DSCAML1: variants seen among roughly 807,000 people sequenced by gnomAD.
The protein encoded by DSCAML1 is DS cell adhesion molecule like 1.
In DSCAML1, 38 loss-of-function variants were observed where a neutral mutation model predicts 200.5. That is an observed-to-expected ratio of 0.19 (90% CI 0.15 to 0.25). The LOEUF is 0.25. Ranked by LOEUF, DSCAML1 falls within the 10% of genes least tolerant of loss-of-function variation. The pLI is 1.00. For missense variants in DSCAML1, 2,223 were observed against 2,858.8 expected, an observed-to-expected ratio of 0.78 and a Z score of 5.07; for synonymous variants, 1,215 against 1,165.0, an observed-to-expected ratio of 1.04 and a Z score of -0.87.
chr11:117,756,540 T>A (rs1412602362), intron 3 of DSCAML1, among the ~76,000 whole-genome samples: 1 of 152,212 alleles, frequency 6.6e-6, no homozygotes, highest in Non-Finnish European at 1.5e-5. Context: ...TTTCCAGGGC[T>A]TAACTAAGAC....
chr11:117,719,376 G>A (rs1354145369), intron 3 of DSCAML1, among the ~76,000 whole-genome samples: 1 of 152,204 alleles, frequency 6.6e-6, no homozygotes, highest in Admixed American at 6.5e-5. Flanking sequence ...CCCGGGCGGC[G>A]AAGGTGGCAG....
At chr11:117,678,289 G>T (rs2053253275) in intron 3 of DSCAML1, among the ~76,000 whole-genome samples, 1 of 152,202 alleles carries the variant, frequency 6.6e-6, no homozygotes, top group South Asian at 2.1e-4. Flanking sequence ...CTACAGGGTG[G>T]GGTGGCGGGC....
At chr11:117,530,556 A>G (rs1210040323) in intron 4 of DSCAML1, among the ~76,000 whole-genome samples, 1 of 152,204 alleles carries the variant, frequency 6.6e-6, no homozygotes, top group Non-Finnish European at 1.5e-5. Context: ...GATTAATGCC[A>G]TAAATATTTA....
At position 117,521,365 on chromosome 11, in the gene DSCAML1, G is replaced by A. The variant is rs138792664; in HGVS notation, c.978C>T (p.Thr326=). ...HVTLTPKKLK[T]GIGSTVILSC... Reference sequence around the variant, plus strand: ...AGAGGATGACCGTGCTGCCAATGCCGGTCTTCAGCTTCTTTGGTGTCAGGG... The same window carrying A: ...AGAGGATGACCGTGCTGCCAATGCCAGTCTTCAGCTTCTTTGGTGTCAGGG... The change falls in exon 6 of 33, where the codon ACC becomes ACT. Residue 326 remains threonine (T), a synonymous_variant. Coordinates refer to ENST00000651296, the MANE Select transcript of DSCAML1 (RefSeq NM_020693.4). 1.7e-3 allele frequency: 2,709 copies of A among 1,614,036 alleles called. 38 individuals are homozygous for A. In the Admixed American group the frequency reaches 0.022, roughly 13 times the overall value.
intron 3 of DSCAML1, among the ~76,000 whole-genome samples, chr11:117,684,711 C>T (rs1006020873): frequency 2.0e-5 from 3 of 152,120 alleles, no homozygotes; most frequent in African/African-American, 7.2e-5. Flanking sequence ...CACTTTTAAG[C>T]CAAGAATGTA....
At chr11:117,630,059 C>G (rs1206483668) in intron 3 of DSCAML1, among the ~76,000 whole-genome samples, 1 of 152,134 alleles carries the variant, frequency 6.6e-6, no homozygotes, top group Non-Finnish European at 1.5e-5. Flanking sequence ...AACTGAGAGA[C>G]AGCACAGTGA....
intron 1 of DSCAML1, among the ~76,000 whole-genome samples, chr11:117,789,266 C>T (rs1260578422): frequency 1.3e-5 from 2 of 152,216 alleles, no homozygotes; most frequent in African/African-American, 4.8e-5. Flanking sequence ...TGAGCAACAG[C>T]TGACTGTCGG....
intron 3 of DSCAML1, among the ~76,000 whole-genome samples, chr11:117,645,756 G>T (rs1162486766): frequency 3.2e-5 from 4 of 123,244 alleles, no homozygotes; most frequent in African/African-American, 6.1e-5. Flanking sequence ...GTGGTGGGGT[G>T]GGGGGAGGGG....
At chr11:117,657,789 C>T (rs942706587) in intron 3 of DSCAML1, among the ~76,000 whole-genome samples, 2 of 152,136 alleles carry the variant, frequency 1.3e-5, no homozygotes, top group African/African-American at 4.8e-5. Flanking sequence ...TGAAGGCCCC[C>T]TTTTAGCCCT....
At chr11:117,528,037 G>A (rs549844422) in intron 4 of DSCAML1, among the ~76,000 whole-genome samples, 144 of 152,164 alleles carry the variant, frequency 9.5e-4, no homozygotes, top group Non-Finnish European at 1.6e-3. Flanking sequence ...ACTTCACAAG[G>A]CCGTTGCAGG....
At chr11:117,605,471 G>T (rs530497838) in intron 3 of DSCAML1, among the ~76,000 whole-genome samples, 2 of 152,196 alleles carry the variant, frequency 1.3e-5, no homozygotes, top group Non-Finnish European at 2.9e-5. Flanking sequence ...GAATGCAAAG[G>T]CAGACAGAAT....
chr11:117,455,890 C>CT (rs899617583), intron 19 of DSCAML1, among the ~76,000 whole-genome samples: 5 of 152,162 alleles, frequency 3.3e-5, no homozygotes, highest in African/African-American at 4.8e-5. Context: ...CTGCCATTCC[C>CT]TCCTAGTCCT....
rs923519149 is a variant in DSCAML1, at chr11:117,734,950, G to A, written c.511+41841C>T. Reference sequence around the variant, plus strand: ...CTGGCTGCTGGTTGGGCCTGTGGGTGGCTGAAGTCATCTTTCCTGCAAGAA... The same window carrying A: ...CTGGCTGCTGGTTGGGCCTGTGGGTAGCTGAAGTCATCTTTCCTGCAAGAA... On this transcript the variant is annotated intron_variant, in intron 3 of 32. Transcript: ENST00000651296. Among the ~76,000 whole-genome samples the A allele has an allele frequency of 2.0e-5, 3 of 152,304 alleles. No homozygotes were observed. In the South Asian group the frequency reaches 6.2e-4, roughly 32 times the overall value.
rs181122033 is a variant in DSCAML1 at position 117,469,994 on chromosome 11, C to T, written c.2954-14G>A. ...GCCCATCGGGAGCTGAGCAGGGTAG[C>T]GGGGAGGAGAAACATTACAAGTCAA... On this transcript the variant is annotated splice_polypyrimidine_tract_variant and intron_variant, in intron 15 of 32. Transcript: ENST00000651296. This position sits in a 1 kb window ranked among gnomAD's most constrained non-coding sequence, Gnocchi z 4.1. 4.6e-4 allele frequency: 734 copies of T among 1,583,090 alleles called. 2 individuals are homozygous for T. The African/African-American group carries it at 5.6e-3, about 12-fold the overall frequency.
At chr11:117,603,710 A>G (rs2051509255) in intron 3 of DSCAML1, among the ~76,000 whole-genome samples, 1 of 152,250 alleles carries the variant, frequency 6.6e-6, no homozygotes, top group South Asian at 2.1e-4. Flanking sequence ...AGTAAGGCCA[A>G]TAGTGGAATC....
chr11:117,489,801 T>A lies in DSCAML1; in HGVS notation c.2360-7639A>T, dbSNP rs1355841925. Among the ~76,000 whole-genome samples, 1 of 152,200 alleles carries A rather than the reference T, an allele frequency of 6.6e-6. No individual in the cohort carries two copies. The highest frequency in any genetic ancestry group is 6.5e-5 in the Admixed American group (1 of 15,290). On this transcript the variant is annotated intron_variant, in intron 11 of 32. Transcript: ENST00000651296. The surrounding 1 kb of genome is among the most constrained non-coding windows in gnomAD (Gnocchi z 4.8). ...CAGGCCTCTCCTGCGGGGCATCCCC[T>A]GCATGGCACGTGTCCTCCGGCAGCG...
intron 3 of DSCAML1, among the ~76,000 whole-genome samples, chr11:117,649,343 G>T (rs2052582783): frequency 1.3e-5 from 2 of 152,102 alleles, no homozygotes; most frequent in African/African-American, 4.8e-5. Context: ...CTCCCAAAGT[G>T]CTGGCATAAG....
chr11:117,573,128 AC>A (rs1311067159), intron 3 of DSCAML1, among the ~76,000 whole-genome samples: 1 of 152,094 alleles, frequency 6.6e-6, no homozygotes, highest in Non-Finnish European at 1.5e-5. Flanking sequence ...ACCAGCTAGC[AC>A]TCGAAGCTCA....
intron 3 of DSCAML1, among the ~76,000 whole-genome samples, chr11:117,747,755 C>A (rs1268809251): frequency 1.3e-5 from 2 of 152,150 alleles, no homozygotes; most frequent in African/African-American, 4.8e-5. Context: ...GGACAATACC[C>A]AATCTCACAA....
Sources: allele counts gnomAD v4.1 joint callset (sites outside exome capture counted in the v4.1 genomes callset), GRCh38; gene constraint gnomAD v4.1.1; non-coding constraint Gnocchi (gnomAD v3.1); transcripts MANE v1.5; gene names NCBI Gene and HGNC (gene_info 2026-07-23, HGNC 2026-07-21).